Variants in RALYL observed in about 807,000 individuals in gnomAD.
RALYL encodes RALY RNA binding protein like.
A neutral mutation model predicts 35.1 loss-of-function variants in RALYL; 29 were observed. The ratio of observed to expected loss-of-function variants is 0.83; its 90% CI spans 0.61 to 1.13. RALYL has a LOEUF of 1.13. RALYL is among the 50% of genes most tolerant of loss of function. RALYL has a pLI of 0.00. For missense variants in RALYL, 359 were observed against 360.4 expected (o/e 1.00, Z 0.03); for synonymous variants, 120 against 127.6 (o/e 0.94, Z 0.40).
At chr8:84,437,602 G>A (rs2047883095) in intron 1 of RALYL, among the ~76,000 whole-genome samples, 1 of 152,050 alleles carries the variant, frequency 6.6e-6, no homozygotes, top group Non-Finnish European at 1.5e-5. Flanking sequence ...TTTCTCTGAT[G>A]ATTAGTGATA....
chr8:84,543,949 T>C (rs2135305246), intron 2 of RALYL, among the ~76,000 whole-genome samples: 1 of 152,198 alleles, frequency 6.6e-6, no homozygotes, highest in East Asian at 1.9e-4. Flanking sequence ...GACACTATTA[T>C]GACTGCTCAT....
At chr8:84,630,089 T>C (rs1286155582) in intron 2 of RALYL, among the ~76,000 whole-genome samples, 1 of 152,028 alleles carries the variant, frequency 6.6e-6, no homozygotes, top group African/African-American at 2.4e-5. Context: ...TCAGGCTATA[T>C]GATTTAGAAT....
At position 84,767,097 on chromosome 8, in the gene RALYL, C is replaced by G. The variant is rs534476649; in HGVS notation, c.257-7482C>G. Among the ~76,000 whole-genome samples the G allele has an allele frequency of 2.0e-5, 3 of 152,214 alleles. No individual in the cohort carries two copies. In the South Asian group the frequency reaches 6.2e-4, roughly 32 times the overall value. On this transcript the variant is annotated intron_variant, in intron 2 of 8. Transcript: ENST00000521268. ...GTCAAAAGCATGAAATAATAGAAAT[C>G]CATTGTGATCACCTTTAATAGTATG...
At chr8:84,485,325 A>G (rs1587701256) in intron 1 of RALYL, among the ~76,000 whole-genome samples, 1 of 152,158 alleles carries the variant, frequency 6.6e-6, no homozygotes, top group South Asian at 2.1e-4. Context: ...ACGGTGGCTC[A>G]CGCCTTTAAT....
At chr8:84,642,357 G>T (rs914478518) in intron 2 of RALYL, among the ~76,000 whole-genome samples, 6 of 150,866 alleles carry the variant, frequency 4.0e-5, no homozygotes, top group Middle Eastern at 3.4e-3. Flanking sequence ...AATTTGTGGG[G>T]TTTTTTTAAA....
chr8:84,370,421 A>C (rs1042512716), intron 1 of RALYL, among the ~76,000 whole-genome samples: 1 of 150,430 alleles, frequency 6.6e-6, no homozygotes, highest in Non-Finnish European at 1.5e-5. Flanking sequence ...AACATGGGAA[A>C]TTTTACATAC....
chr8:84,222,801 A>G (rs1365557262), intron 1 of RALYL, among the ~76,000 whole-genome samples: 4 of 152,104 alleles, frequency 2.6e-5, no homozygotes, highest in Admixed American at 2.0e-4. Flanking sequence ...GGAGTGGGGG[A>G]AAAATGCTAT....
chr8:84,452,268 C>G (rs2049572020), intron 1 of RALYL, among the ~76,000 whole-genome samples: 2 of 150,816 alleles, frequency 1.3e-5, no homozygotes, highest in South Asian at 4.2e-4. Context: ...CTAACTAGAG[C>G]TCTCACAAAG....
intron 2 of RALYL, among the ~76,000 whole-genome samples, chr8:84,749,534 G>A (rs1252408307): frequency 6.6e-6 from 1 of 152,114 alleles, no homozygotes; most frequent in Non-Finnish European, 1.5e-5. Context: ...AAACATCATA[G>A]ACAAGGGTTC....
intron 1 of RALYL, among the ~76,000 whole-genome samples, chr8:84,388,956 T>A (rs1257982198): frequency 6.6e-6 from 1 of 152,176 alleles, no homozygotes; most frequent in Non-Finnish European, 1.5e-5. Flanking sequence ...GGTTTTCTTC[T>A]AGGGTTTTTA....
intron 2 of RALYL, among the ~76,000 whole-genome samples, chr8:84,556,559 A>G (rs544219944): frequency 7.2e-5 from 11 of 152,300 alleles, no homozygotes; most frequent in East Asian, 5.8e-4. Context: ...TCCCTAACAC[A>G]TTACTCTGGT....
chr8:84,461,230 G>A (rs1046410128), intron 1 of RALYL, among the ~76,000 whole-genome samples: 2 of 151,520 alleles, frequency 1.3e-5, no homozygotes, highest in African/African-American at 4.8e-5. Context: ...ACAGAGAAAT[G>A]TAGAATCTTC....
chr8:84,736,027 C>A (rs1397263975), intron 2 of RALYL, among the ~76,000 whole-genome samples: 1 of 152,042 alleles, frequency 6.6e-6, no homozygotes, highest in Non-Finnish European at 1.5e-5. Context: ...CTGCAACACT[C>A]CAACACAGTC....
At chr8:84,668,080 A>G (rs1170309349) in intron 2 of RALYL, among the ~76,000 whole-genome samples, 1 of 152,064 alleles carries the variant, frequency 6.6e-6, no homozygotes, top group Non-Finnish European at 1.5e-5. Flanking sequence ...TCCTTTGATG[A>G]TGAAAAGGTG....
chr8:84,423,508 G>T (rs2132464584), intron 1 of RALYL, among the ~76,000 whole-genome samples: 1 of 152,150 alleles, frequency 6.6e-6, no homozygotes, highest in Non-Finnish European at 1.5e-5. Flanking sequence ...TATCCAATTT[G>T]CCAGTCTGTG....
At chr8:84,237,010 C>G (rs1312521349) in intron 1 of RALYL, among the ~76,000 whole-genome samples, 1 of 152,092 alleles carries the variant, frequency 6.6e-6, no homozygotes, top group Admixed American at 6.6e-5. Context: ...TGATGGCTGT[C>G]AAAATTTGAT....
At chr8:84,913,049 T>TAGATAGATAGAA in intron 8 of RALYL, among the ~76,000 whole-genome samples, 1 of 149,860 alleles carries the variant, frequency 6.7e-6, no homozygotes, top group African/African-American at 2.5e-5. Context: ...GGTAGATAGA[T>TAGATAGATAGAA]AGATAGATAG....
At chr8:84,186,084 T>C (rs1236591244) in intron 1 of RALYL, among the ~76,000 whole-genome samples, 1 of 152,208 alleles carries the variant, frequency 6.6e-6, no homozygotes, top group African/African-American at 2.4e-5. Flanking sequence ...ATACAATGTA[T>C]GTGAGTTATT....
chr8:84,227,058 T>G (rs1198011427), intron 1 of RALYL, among the ~76,000 whole-genome samples: 1 of 131,110 alleles, frequency 7.6e-6, no homozygotes, highest in South Asian at 2.5e-4. Context: ...TTGTATTTCT[T>G]TTTTTTTTTT....
Sources: allele counts gnomAD v4.1 joint callset (sites outside exome capture counted in the v4.1 genomes callset), GRCh38; gene constraint gnomAD v4.1.1; transcripts MANE v1.5; gene names NCBI Gene and HGNC (gene_info 2026-07-23, HGNC 2026-07-21).